Variants in CAMK1D observed in about 807,000 individuals in gnomAD.
The protein encoded by CAMK1D is calcium/calmodulin-dependent protein kinase type 1D.
Under a neutral mutation model 47.7 loss-of-function variants are expected in CAMK1D, and 9 were observed. The ratio of observed to expected loss-of-function variants is 0.19; its 90% confidence interval spans 0.11 to 0.33. The LOEUF is 0.33. Ranked by LOEUF, CAMK1D falls within the 10% of genes least tolerant of loss-of-function variation. CAMK1D has a pLI of 1.00. For missense variants in CAMK1D, 291 were observed against 488.7 expected, an observed-to-expected ratio of 0.60 and a Z score of 3.81; for synonymous variants, 184 against 184.9, an observed-to-expected ratio of 0.99 and a Z score of 0.04.
At chr10:12,578,563 T>C (rs1837564494) in intron 2 of CAMK1D, among the ~76,000 whole-genome samples, 2 of 37,512 alleles carry the variant, frequency 5.3e-5, no homozygotes, top group South Asian at 7.4e-4. Context: ...AGAGCTAAAC[T>C]CCATCTCAAA....
At chr10:12,396,225 C>G (rs920895647) in intron 1 of CAMK1D, among the ~76,000 whole-genome samples, 2 of 152,176 alleles carry the variant, frequency 1.3e-5, no homozygotes, top group African/African-American at 4.8e-5. Context: ...GGCTCCTTAA[C>G]TCGGAGCAGC....
intron 6 of CAMK1D, among the ~76,000 whole-genome samples, chr10:12,797,609 C>T (rs1838251547): frequency 6.6e-6 from 1 of 152,132 alleles, no homozygotes. Flanking sequence ...AGTTTGATTA[C>T]AGCAGGCATC....
chr10:12,643,433 G>A (rs1352720975), intron 2 of CAMK1D, among the ~76,000 whole-genome samples: 1 of 152,156 alleles, frequency 6.6e-6, no homozygotes, highest in African/African-American at 2.4e-5. Flanking sequence ...AGGTGAGTGG[G>A]CGAAGCTGCG....
chr10:12,828,902 G>A lies in CAMK1D; in HGVS notation c.*15G>A, dbSNP rs1564595665. ...GAAGCAAGTGACTGGCCCTGGAGGT[G>A]GGGCCCGGGGTCGGGGCTGGGGAAG... On this transcript the variant is annotated 3_prime_UTR_variant, in exon 11 of 11. Transcript: ENST00000619168. The A allele has an allele frequency of 6.3e-7, 1 of 1,584,574 alleles. No individual in the cohort carries two copies. The highest frequency in any genetic ancestry group is 1.8e-5 in the Admixed American group (1 of 56,572).
intron 1 of CAMK1D, among the ~76,000 whole-genome samples, chr10:12,368,188 G>A (rs1268691019): frequency 7.3e-6 from 1 of 136,374 alleles, no homozygotes; most frequent in Non-Finnish European, 1.6e-5. Flanking sequence ...GACAGAGCGA[G>A]ACTCCGTCTC....
intron 1 of CAMK1D, among the ~76,000 whole-genome samples, chr10:12,424,259 C>T (rs188266061): frequency 2.0e-5 from 3 of 152,230 alleles, no homozygotes; most frequent in Non-Finnish European, 4.4e-5. Context: ...TCCCTCTCCC[C>T]GACAAATGTT....
intron 2 of CAMK1D, among the ~76,000 whole-genome samples, chr10:12,659,221 C>T (rs990999236): frequency 2.0e-5 from 3 of 152,200 alleles, no homozygotes; most frequent in African/African-American, 7.2e-5. Context: ...ACTTGTAAGC[C>T]ATGCCAGTTG....
At chr10:12,627,120 C>T (rs1303302775) in intron 2 of CAMK1D, among the ~76,000 whole-genome samples, 2 of 143,418 alleles carry the variant, frequency 1.4e-5, no homozygotes, top group African/African-American at 2.6e-5. Context: ...CTTGCTCAGT[C>T]GCCCACACTG....
chr10:12,510,765 C>T (rs562083672), intron 1 of CAMK1D, among the ~76,000 whole-genome samples: 8 of 152,312 alleles, frequency 5.3e-5, no homozygotes, highest in Admixed American at 3.9e-4. Flanking sequence ...CACAAATGTA[C>T]AAGCGTGGCA....
chr10:12,598,097 T>A (rs555746946), intron 2 of CAMK1D, among the ~76,000 whole-genome samples: 1 of 152,354 alleles, frequency 6.6e-6, no homozygotes, highest in East Asian at 1.9e-4. Flanking sequence ...GTCACATTTG[T>A]TTGGTAAAAG....
intron 1 of CAMK1D, among the ~76,000 whole-genome samples, chr10:12,509,387 G>A (rs1404778612): frequency 1.3e-5 from 2 of 152,226 alleles, no homozygotes; most frequent in Non-Finnish European, 2.9e-5. Context: ...GAATTTGCTT[G>A]TCTGGACACA....
intron 1 of CAMK1D, among the ~76,000 whole-genome samples, chr10:12,526,009 T>C (rs367918920): frequency 1.3e-5 from 2 of 152,222 alleles, no homozygotes; most frequent in Non-Finnish European, 2.9e-5. Flanking sequence ...CCGCCTGCTG[T>C]GGCCTCCCAA....
In CAMK1D at chr10:12,639,486, A is replaced by G. The variant is rs745960180; in HGVS notation, c.225-27250A>G. On this transcript the variant is annotated intron_variant, in intron 2 of 10. Coordinates refer to ENST00000619168, the MANE Select transcript of CAMK1D (RefSeq NM_153498.4). Reference sequence around the variant, plus strand: ...GGCGACAGAGCAAGACTCTGTCTCAAAACAAGCAAACAAACAAACCTAATC... The same window carrying G: ...GGCGACAGAGCAAGACTCTGTCTCAGAACAAGCAAACAAACAAACCTAATC... Among the ~76,000 whole-genome samples, 5 of 152,192 alleles carry G rather than the reference A, an allele frequency of 3.3e-5. 1 individual carries two copies. The highest frequency in any genetic ancestry group is 4.1e-4 in the South Asian group (2 of 4,824).
chr10:12,690,110 G>A (rs1032234991), intron 3 of CAMK1D, among the ~76,000 whole-genome samples: 16 of 152,242 alleles, frequency 1.1e-4, no homozygotes, highest in Middle Eastern at 3.4e-3. Flanking sequence ...TTCCATCTCC[G>A]TGTGGACCTG....
At chr10:12,667,331 T>C (rs573067401) in intron 3 of CAMK1D, among the ~76,000 whole-genome samples, 51 of 152,232 alleles carry the variant, frequency 3.4e-4, no homozygotes, top group Non-Finnish European at 5.7e-4. Context: ...AGAAGTATAA[T>C]TGGTGTCAGA....
At chr10:12,446,425 G>A (rs1017044405) in intron 1 of CAMK1D, among the ~76,000 whole-genome samples, 1 of 152,170 alleles carries the variant, frequency 6.6e-6, no homozygotes, top group Admixed American at 6.5e-5. Context: ...ACAACAAGAG[G>A]TCACTCTCGT....
chr10:12,404,975 G>A (rs1270065925), intron 1 of CAMK1D, among the ~76,000 whole-genome samples: 2 of 152,066 alleles, frequency 1.3e-5, no homozygotes, highest in Admixed American at 6.6e-5. Flanking sequence ...ATGAGCCACC[G>A]CGCCTGGCTG....
intron 3 of CAMK1D, among the ~76,000 whole-genome samples, chr10:12,752,493 G>C (rs1339426524): frequency 1.3e-5 from 2 of 152,056 alleles, no homozygotes; most frequent in African/African-American, 4.8e-5. Flanking sequence ...ATGGGGACAA[G>C]GCACACTCTT....
chr10:12,491,332 C>T (rs1834378024), intron 1 of CAMK1D, among the ~76,000 whole-genome samples: 1 of 152,084 alleles, frequency 6.6e-6, no homozygotes. Context: ...AGAGGTTGAA[C>T]CAGGTGATAG....
Sources: gnomAD v4.1 joint callset for allele counts (sites outside exome capture counted in the v4.1 genomes callset) on GRCh38, gnomAD v4.1.1 for gene constraint, MANE v1.5 for transcripts, NCBI Gene and HGNC (gene_info 2026-07-23, HGNC 2026-07-21) for gene names.